The following TENT2 variants were observed in gnomAD, a reference collection of about 807,000 sequenced individuals.
TENT2 encodes the protein poly(A) RNA polymerase GLD2.
TENT2 carries 44 observed loss-of-function variants against 72.2 expected under a neutral mutation model. The observed-to-expected ratio is 0.61, with a 90% CI of 0.48 to 0.78. TENT2 has a LOEUF of 0.78. Among genes scored for constraint, TENT2 ranks in the 30% least tolerant of loss-of-function variants. The probability of loss-of-function intolerance (pLI) is 0.00; values close to 1 mark genes in which losing one functional copy is unlikely to be tolerated. For missense variants in TENT2, 541 were observed against 569.6 expected (o/e 0.95, Z 0.51); for synonymous variants, 212 against 192.5 (o/e 1.10, Z -0.84).
chr5:79,660,534 T>C (rs762887821), intron 11 of TENT2, among the ~76,000 whole-genome samples: 1 of 152,150 alleles, frequency 6.6e-6, no homozygotes, highest in Admixed American at 6.6e-5. Flanking sequence ...TTAATAGTTA[T>C]GAAATAAAGA....
At chr5:79,647,967 A>T (rs1420170566) in intron 8 of TENT2, among the ~76,000 whole-genome samples, 1 of 152,234 alleles carries the variant, frequency 6.6e-6, no homozygotes. Context: ...TAGAGGAAAT[A>T]TAATGTGTAG....
intron 1 of TENT2, among the ~76,000 whole-genome samples, chr5:79,615,782 G>A (rs969445395): frequency 1.3e-5 from 2 of 149,416 alleles, no homozygotes; most frequent in South Asian, 2.1e-4. Flanking sequence ...CAGTCTCCTC[G>A]GCTCACTCCA....
Position 79,623,369 on chromosome 5 carries a change from C to T in TENT2, c.345C>T (p.Tyr115=), listed in dbSNP as rs751236153. Residue 115 remains tyrosine (Y), a synonymous_variant, in exon 4 of 15, where the codon TAC becomes TAT. Transcript: ENST00000453514. ...TGCCTTTATCAGGTGAACGAAGATA[C>T]TCAATGCCACCATTGTTTCATACAC... ...QIVPLSGERR[Y]SMPPLFHTHY... 17 of 1,613,456 alleles carry T rather than the reference C, an allele frequency of 1.1e-5. No individual in the cohort carries two copies. The highest frequency in any genetic ancestry group is 6.7e-5 in the Admixed American group (4 of 59,952).
intron 10 of TENT2, among the ~76,000 whole-genome samples, chr5:79,649,460 G>A (rs1253170313): frequency 1.3e-5 from 2 of 150,448 alleles, no homozygotes; most frequent in Non-Finnish European, 2.9e-5. Flanking sequence ...CTGTATTGTG[G>A]ACCCATTATC....
At chr5:79,637,601 A>G (rs1407284056) in intron 4 of TENT2, among the ~76,000 whole-genome samples, 1 of 151,648 alleles carries the variant, frequency 6.6e-6, no homozygotes, top group Non-Finnish European at 1.5e-5. Flanking sequence ...TAATTTTTAA[A>G]TTTTTTGTAG....
intron 4 of TENT2, among the ~76,000 whole-genome samples, chr5:79,639,805 C>A (rs6885824): frequency 0.09 from 13,696 of 152,064 alleles, 735 homozygotes; most frequent in African/African-American, 0.15. Flanking sequence ...TTGTAAAGAC[C>A]ACATTATAGG....
intron 10 of TENT2, among the ~76,000 whole-genome samples, chr5:79,655,253 A>G (rs6896406): frequency 0.44 from 67,065 of 151,856 alleles, 17,918 homozygotes; most frequent in African/African-American, 0.75. Flanking sequence ...AATCTTTTAA[A>G]GTTGTAACAT....
intron 11 of TENT2, among the ~76,000 whole-genome samples, chr5:79,663,687 T>C (rs1804861123): frequency 6.6e-6 from 1 of 152,184 alleles, no homozygotes; most frequent in Non-Finnish European, 1.5e-5. Flanking sequence ...CAAATATTAC[T>C]GATCACAGAT....
intron 11 of TENT2, among the ~76,000 whole-genome samples, chr5:79,659,500 C>G (rs1321066552): frequency 2.3e-5 from 3 of 131,922 alleles, no homozygotes; most frequent in Admixed American, 1.7e-4. Context: ...CCACTGTACT[C>G]CAGCCTCGGC....
intron 4 of TENT2, among the ~76,000 whole-genome samples, chr5:79,625,160 G>C (rs746156387): frequency 4.6e-5 from 7 of 152,242 alleles, no homozygotes; most frequent in South Asian, 2.1e-4. Flanking sequence ...ATGATATTGA[G>C]CATCTTTTCA....
chr5:79,679,562 T>G lies in TENT2; in HGVS notation c.1209-17T>G, dbSNP rs747967466. The G allele has an allele frequency of 6.5e-7, 1 of 1,541,004 alleles. No individual in the cohort carries two copies. The highest frequency in any genetic ancestry group is 2.3e-5 in the East Asian group (1 of 44,408). On this transcript the variant is annotated splice_polypyrimidine_tract_variant and intron_variant, in intron 12 of 14. Coordinates refer to ENST00000453514, the MANE Select transcript of TENT2 (RefSeq NM_001114394.3). ...TTATGAAAATAGTTAACATGGTTAC[T>G]GTTTTTCTTCTTATAGCTGGAATAG...
At chr5:79,639,387 C>G (rs772228502) in intron 4 of TENT2, among the ~76,000 whole-genome samples, 3 of 151,850 alleles carry the variant, frequency 2.0e-5, no homozygotes, top group Non-Finnish European at 4.4e-5. Context: ...CAACCTAAGA[C>G]TATAAACTTG....
At chr5:79,656,063 AC>A (rs1251104146) in intron 10 of TENT2, among the ~76,000 whole-genome samples, 2 of 152,010 alleles carry the variant, frequency 1.3e-5, no homozygotes, top group African/African-American at 4.8e-5. Context: ...TAGTTGTTAT[AC>A]ATAGTGTATT....
chr5:79,660,439 CTATT>C (rs967717240), intron 11 of TENT2, among the ~76,000 whole-genome samples: 1 of 152,040 alleles, frequency 6.6e-6, no homozygotes, highest in Non-Finnish European at 1.5e-5. Context: ...TGTTTTTTAG[CTATT>C]TGTTTCCTTC....
chr5:79,638,069 A>G (rs1293702172), intron 4 of TENT2, among the ~76,000 whole-genome samples: 2 of 152,142 alleles, frequency 1.3e-5, no homozygotes, highest in Non-Finnish European at 2.9e-5. Context: ...AAGTGCTGGG[A>G]TTACAGGCAT....
At chr5:79,636,333 A>G (rs1012916479) in intron 4 of TENT2, among the ~76,000 whole-genome samples, 1 of 152,186 alleles carries the variant, frequency 6.6e-6, no homozygotes, top group Non-Finnish European at 1.5e-5. Context: ...CATATGACTA[A>G]TCTTATTTCA....
At chr5:79,630,657 A>T (rs1023880735) in intron 4 of TENT2, among the ~76,000 whole-genome samples, 4 of 152,000 alleles carry the variant, frequency 2.6e-5, no homozygotes, top group Admixed American at 2.6e-4. Context: ...AGGAGAATGG[A>T]GTGTACAAAT....
intron 4 of TENT2, among the ~76,000 whole-genome samples, chr5:79,627,257 G>A (rs980290980): frequency 6.6e-6 from 1 of 151,966 alleles, no homozygotes; most frequent in Non-Finnish European, 1.5e-5. Context: ...TGTTGTGATA[G>A]TTAACTGTTA....
chr5:79,684,531 T>C (rs547042673), intron 14 of TENT2, among the ~76,000 whole-genome samples: 9 of 152,180 alleles, frequency 5.9e-5, no homozygotes, highest in African/African-American at 9.7e-5. Flanking sequence ...TCTGGAATTA[T>C]AGGCATGAGA....
Sources: allele counts gnomAD v4.1 joint callset (sites outside exome capture counted in the v4.1 genomes callset), GRCh38; gene constraint gnomAD v4.1.1; transcripts MANE v1.5; gene names NCBI Gene and HGNC (gene_info 2026-07-23, HGNC 2026-07-21).